The following TAB2 variants were observed in gnomAD, a reference collection of about 807,000 sequenced individuals.
TAB2 encodes TGF-beta activated kinase 1 (MAP3K7) binding protein 2.
A neutral mutation model predicts 65.0 loss-of-function variants in TAB2; 3 were observed. The ratio of observed to expected loss-of-function variants is 0.05; its 90% CI spans 0.02 to 0.12. The LOEUF (loss-of-function observed/expected upper bound fraction) is 0.12. Among genes scored for constraint, TAB2 ranks in the 10% least tolerant of loss-of-function variants. The probability of loss-of-function intolerance (pLI) is 1.00; values close to 1 mark genes in which losing one functional copy is unlikely to be tolerated. For synonymous variants in TAB2, 298 were observed against 285.1 expected (o/e 1.05, Z -0.46); for missense variants, 623 against 840.3 (o/e 0.74, Z 3.20).
rs566031778 is a variant in TAB2 at position 149,324,131 on chromosome 6, C to T, written c.-90+6116C>T. 4.0e-5 allele frequency among the ~76,000 whole-genome samples: 6 copies of T among 151,880 alleles called. No individual in the cohort carries two copies. The South Asian group carries it at 8.3e-4, about 21-fold the overall frequency. On this transcript the variant is annotated intron_variant, in intron 1 of 6. Transcript: ENST00000637181. ...TTCACTTAAGAAGAAAAACAAAAAC[C>T]GGCCTAGTACCAGTGCTCCTAGTAC...
chr6:149,345,060 T>A (rs1051831886), intron 1 of TAB2, among the ~76,000 whole-genome samples: 10 of 152,152 alleles, frequency 6.6e-5, no homozygotes, highest in African/African-American at 2.4e-4. Flanking sequence ...GCCTACTTCT[T>A]TTTCTACCAC....
At chr6:149,300,657 C>T (rs1032855956) in intron 1 of TAB2, among the ~76,000 whole-genome samples, 5 of 152,084 alleles carry the variant, frequency 3.3e-5, no homozygotes, top group African/African-American at 4.8e-5. Context: ...CATCTTTTAC[C>T]CCACCTTCAC....
In TAB2 at chr6:149,220,160, A is replaced by G. The variant is rs796129782; in HGVS notation, c.-121+1384A>G. 3.9e-5 allele frequency among the ~76,000 whole-genome samples: 6 copies of G among 152,234 alleles called. No individual in the cohort carries two copies. In the East Asian group the frequency reaches 9.6e-4, roughly 24 times the overall value. On this transcript the variant is annotated intron_variant, in intron 1 of 1. Transcript: ENST00000606202. ...GTTCTCATACCTTCTTTTGTATTCA[A>G]TCTGTTACGCTGTCTTGGTTGAAAT...
upstream of TAB2, chr6:149,317,635 G>C (rs887994751): frequency 1.9e-5 from 3 of 159,964 alleles, no homozygotes; most frequent in East Asian, 1.9e-4. The surrounding 1 kb of genome is among the most constrained non-coding windows in gnomAD (Gnocchi z 4.7). Context: ...CGAGCGCGAG[G>C]GGGGTGGGGG....
intron 1 of TAB2, among the ~76,000 whole-genome samples, chr6:149,301,775 A>T (rs971728477): frequency 1.3e-5 from 2 of 152,200 alleles, no homozygotes; most frequent in African/African-American, 4.8e-5. Flanking sequence ...TTTACTGAAC[A>T]TGTTACAACC....
chr6:149,301,377 G>A (rs1778970639), intron 1 of TAB2, among the ~76,000 whole-genome samples: 3 of 152,306 alleles, frequency 2.0e-5, no homozygotes, highest in Admixed American at 2.0e-4. Flanking sequence ...ATAAACTGGA[G>A]TATTAAGGGA....
chr6:149,308,679 C>T (rs1779113222), intron 1 of TAB2, among the ~76,000 whole-genome samples: 1 of 152,058 alleles, frequency 6.6e-6, no homozygotes, highest in South Asian at 2.1e-4. Context: ...CAGGCATGTG[C>T]CACCACGCCT....
intron 5 of TAB2, 121 bp downstream of exon 5, chr6:149,398,183 CCAGA>C (rs1359967402): frequency 1.7e-5 from 14 of 827,882 alleles, no homozygotes; most frequent in Non-Finnish European, 2.4e-5. Context: ...GGCTTTGGAG[CCAGA>C]CAGACTTTTA....
At chr6:149,403,834 T>G (rs751518971) in intron 6 of TAB2, among the ~76,000 whole-genome samples, 1 of 152,000 alleles carries the variant, frequency 6.6e-6, no homozygotes, top group Non-Finnish European at 1.5e-5. Context: ...AATATCTCAC[T>G]CATTATTGAG....
At chr6:149,379,621 TA>T in intron 3 of TAB2, 103 bp downstream of exon 3, 1 of 1,080,904 alleles carries the variant, frequency 9.3e-7, no homozygotes, top group Non-Finnish European at 1.4e-6. Context: ...TTTCATTGTT[TA>T]AATATTGCCC....
intron 1 of TAB2, among the ~76,000 whole-genome samples, chr6:149,226,316 G>A (rs1458209643): frequency 4.6e-5 from 7 of 152,108 alleles, no homozygotes; most frequent in African/African-American, 1.7e-4. Flanking sequence ...GAAGTGCGAG[G>A]ACCCGCGTGC....
Position 149,330,394 on chromosome 6 carries a change from A to G in TAB2, c.-90+12379A>G, listed in dbSNP as rs1188193751. ...CAGACTTTTCCAGAGTAGCTGTACA[A>G]TTTTACATTCCCAGCAGCAATATGT... On this transcript the variant is annotated intron_variant, in intron 1 of 6. Transcript: ENST00000637181. 3.3e-5 allele frequency among the ~76,000 whole-genome samples: 5 copies of G among 152,268 alleles called. No individual in the cohort carries two copies. The South Asian group carries it at 8.3e-4, about 25-fold the overall frequency.
At chr6:149,306,390 A>T (rs917072047) in intron 1 of TAB2, among the ~76,000 whole-genome samples, 16 of 151,964 alleles carry the variant, frequency 1.1e-4, no homozygotes, top group Non-Finnish European at 8.8e-5. Flanking sequence ...AAATATAAAA[A>T]ATATAAAAAA....
At chr6:149,243,205 T>A (rs1340386740) in intron 1 of TAB2, 1 of 152,264 alleles carries the variant, frequency 6.6e-6, no homozygotes, top group Non-Finnish European at 1.5e-5. Flanking sequence ...GCTGAAAGAC[T>A]GCCAGCACGG....
At chr6:149,344,925 A>G (rs1192660776) in intron 1 of TAB2, among the ~76,000 whole-genome samples, 3 of 152,180 alleles carry the variant, frequency 2.0e-5, no homozygotes, top group African/African-American at 4.8e-5. Context: ...GTAGAACCAA[A>G]GTGATTATAC....
chr6:149,299,076 C>T (rs1444990069), intron 1 of TAB2, among the ~76,000 whole-genome samples: 1 of 152,144 alleles, frequency 6.6e-6, no homozygotes, highest in African/African-American at 2.4e-5. Context: ...GACTGCACAA[C>T]TATTAACCGT....
chr6:149,235,419 T>A (rs1481007164), intron 1 of TAB2, among the ~76,000 whole-genome samples: 9 of 152,184 alleles, frequency 5.9e-5, no homozygotes, highest in Non-Finnish European at 1.0e-4. Flanking sequence ...ATTTGAAACA[T>A]CCTATTAAAA....
intron 3 of TAB2, among the ~76,000 whole-genome samples, chr6:149,387,667 T>G (rs896243567): frequency 4.6e-5 from 7 of 152,176 alleles, no homozygotes; most frequent in African/African-American, 1.7e-4. Flanking sequence ...AGGAATTGCA[T>G]TAAAATATTT....
intron 1 of TAB2, among the ~76,000 whole-genome samples, chr6:149,283,449 C>T (rs756816546): frequency 6.6e-6 from 1 of 152,140 alleles, no homozygotes; most frequent in Non-Finnish European, 1.5e-5. Context: ...GTGACTCATG[C>T]CTCTAATCCC....
Sources: gnomAD v4.1 joint callset for allele counts (sites outside exome capture counted in the v4.1 genomes callset) on GRCh38, gnomAD v4.1.1 for gene constraint, Gnocchi (gnomAD v3.1) non-coding constraint, MANE v1.5 for transcripts, NCBI Gene and HGNC (gene_info 2026-07-23, HGNC 2026-07-21) for gene names.